LRP1: variants seen among roughly 807,000 people sequenced by gnomAD.
LRP1 encodes the protein LDL receptor related protein 1.
A neutral mutation model predicts 541.5 loss-of-function variants in LRP1; 51 were observed. The ratio of observed to expected loss-of-function variants is 0.09; its 90% CI spans 0.08 to 0.12. The LOEUF is 0.12. Ranked by LOEUF, LRP1 falls within the 10% of genes least tolerant of loss-of-function variation. LRP1 has a pLI of 1.00. For missense variants in LRP1, 3,878 were observed against 6,376.2 expected, an observed-to-expected ratio of 0.61 and a Z score of 13.34; for synonymous variants, 2,219 against 2,470.8, an observed-to-expected ratio of 0.90 and a Z score of 3.02.
rs373775042 is a variant in LRP1 at position 57,206,509 on chromosome 12, A to G, written c.11627A>G (p.Asn3876Ser). The G allele has an allele frequency of 6.2e-6, 10 of 1,614,110 alleles. No homozygotes were observed. The highest frequency in any genetic ancestry group is 8.5e-6 in the Non-Finnish European group (10 of 1,180,026). ...EYQVLYIADDNEIRSLFPGHP... is the reference protein window; with the variant it reads ...EYQVLYIADDSEIRSLFPGHP... The stretch of plus-strand genomic sequence containing the variant: ...CAGGTCCTGTACATCGCTGATGACA[A>G]TGAGATCCGCAGCCTGTTCCCCGGC... The change falls in exon 76 of 89, where the codon AAT becomes AGT. Residue 3876 changes from asparagine to serine, a missense_variant. By Grantham distance (46) the Asn-to-Ser change is conservative. Transcript: ENST00000243077. The surrounding 1 kb of genome is among the most constrained non-coding windows in gnomAD (Gnocchi z 4.7).
Position 57,183,381 on chromosome 12 carries a change from G to T in LRP1, c.5665G>T (p.Val1889Leu), listed in dbSNP as rs760016903. ...LRSGQQACEG[V>L]GSFLLYSVHE... The stretch of plus-strand genomic sequence containing the variant: ...CCTTAAGTTTCCTTGTCTTTCAGGC[G>T]TAGGTTCCTTTCTCCTGTACTCTGT... Residue 1889 changes from valine (V) to leucine (L), a missense_variant and splice_region_variant, in exon 35 of 89, where the codon GTA becomes TTA. Val to Leu is a conservative substitution (Grantham distance 32). This residue lies in a region of LRP1 where 394 missense variants were observed against 635.9 expected (regional missense o/e 0.62). Transcript: ENST00000243077. The surrounding 1 kb of genome is among the most constrained non-coding windows in gnomAD (Gnocchi z 6.1). 6.2e-7 allele frequency: 1 copy of T among 1,602,190 alleles called. No homozygotes were observed. The highest frequency in any genetic ancestry group is 2.2e-5 in the East Asian group (1 of 44,594).
chr12:57,192,851 T>A lies in LRP1; in HGVS notation c.7436T>A (p.Leu2479His), dbSNP rs2036443606. 1 of 1,613,992 alleles carries A rather than the reference T, an allele frequency of 6.2e-7. No homozygotes were observed. The highest frequency in any genetic ancestry group is 1.3e-5 in the African/African-American group (1 of 75,002). ...CCACCCTGTCCCTGCTCAGGTGAACTCTCTCCATGCCGAATCAACAACGGT... is the reference window on the plus strand; with the variant it reads ...CCACCCTGTCCCTGCTCAGGTGAACACTCTCCATGCCGAATCAACAACGGT... ...AVANDTNSCE[L>H]SPCRINNGGC... Residue 2479 changes from leucine to histidine, a missense_variant, in exon 45 of 89, where the codon CTC becomes CAC. Around this residue, in one of 13 missense-constraint regions of LRP1, gnomAD observed 1,100 missense variants for 1,827.4 expected, o/e 0.60. Transcript: ENST00000243077.
At chr12:57,175,167 A>C (rs1213113310) in intron 22 of LRP1, among the ~76,000 whole-genome samples, 1 of 152,014 alleles carries the variant, frequency 6.6e-6, no homozygotes, top group African/African-American at 2.4e-5. Flanking sequence ...GGGCCCAAGA[A>C]GGCAGGAACA....
intron 33 of LRP1, 71 bp downstream of exon 33, chr12:57,180,878 A>G: frequency 6.3e-7 from 1 of 1,590,032 alleles, no homozygotes; most frequent in Admixed American, 1.7e-5. Context: ...TGCAGGCTGC[A>G]GGGCCATGGG....
At position 57,162,123 on chromosome 12, in the gene LRP1, C is replaced by T. The variant is rs896386647; in HGVS notation, c.2203-194C>T. Among the ~76,000 whole-genome samples, 1 of 152,086 alleles carries T rather than the reference C, an allele frequency of 6.6e-6. No homozygotes were observed. Reference sequence around the variant, plus strand: ...CCATCAGCATCCTTGCTGGATCACTCGATCACCCGCTGGCTTCAGGATCTA... The same window carrying T: ...CCATCAGCATCCTTGCTGGATCACTTGATCACCCGCTGGCTTCAGGATCTA... On this transcript the variant is annotated intron_variant, in intron 13 of 88. Transcript: ENST00000243077. This position sits in a 1 kb window ranked among gnomAD's most constrained non-coding sequence, Gnocchi z 5.2.
Position 57,142,537 on chromosome 12 carries a change from C to T in LRP1, c.328+1026C>T, listed in dbSNP as rs187190823. On this transcript the variant is annotated intron_variant, in intron 3 of 88. Coordinates refer to ENST00000243077, the MANE Select transcript of LRP1 (RefSeq NM_002332.3). Reference sequence around the variant, plus strand: ...CTGGGACGGGATGCAGAATGCGGGCCTGGGGGCTGACTTAAATGACCACGC... The same window carrying T: ...CTGGGACGGGATGCAGAATGCGGGCTTGGGGGCTGACTTAAATGACCACGC... 5.3e-5 allele frequency among the ~76,000 whole-genome samples: 8 copies of T among 152,206 alleles called. No homozygotes were observed. The East Asian group carries it at 1.5e-3, about 29-fold the overall frequency.
At chr12:57,164,708 T>C (rs1224360630) in intron 15 of LRP1, 1 of 152,242 alleles carries the variant, frequency 6.6e-6, no homozygotes, top group Non-Finnish European at 1.5e-5. Flanking sequence ...TTTGTAATCA[T>C]GCCTCTGCTA....
chr12:57,208,621 C>T (rs2036839444), intron 77 of LRP1, 90 bp from the exon 78 acceptor site: 2 of 766,166 alleles, frequency 2.6e-6, no homozygotes, highest in Non-Finnish European at 4.4e-6. Context: ...CCAGCAGTCC[C>T]TGTCCCCAGA....
At chr12:57,131,412 G>A (rs2035037206) in intron 1 of LRP1, among the ~76,000 whole-genome samples, 1 of 152,134 alleles carries the variant, frequency 6.6e-6, no homozygotes, top group Non-Finnish European at 1.5e-5. Context: ...TTTCTAGTGG[G>A]GAGGGCACCC....
At chr12:57,194,775 C>A (rs1051827938) in intron 50 of LRP1, 76 bp downstream of exon 50, 6 of 1,500,092 alleles carry the variant, frequency 4.0e-6, no homozygotes, top group Non-Finnish European at 5.3e-6. Context: ...CAGCAAATGC[C>A]CCCTTGGAAA....
Position 57,177,565 on chromosome 12 carries a change from G to C in LRP1, c.4335G>C (p.Glu1445Asp). 1 of 1,613,926 alleles carries C rather than the reference G, an allele frequency of 6.2e-7. No homozygotes were observed. The change falls in exon 26 of 89, where the codon GAG (glutamate) becomes GAC (aspartate). Residue 1445 changes from glutamate to aspartate, a missense_variant. Physicochemically the swap from Glu to Asp is conservative, Grantham distance 45. Transcript: ENST00000243077. This position sits in a 1 kb window ranked among gnomAD's most constrained non-coding sequence, Gnocchi z 6.8. ...ACGGGCTCACCGTGGACTACCTGGA[G>C]AAGCGCATCCTTTGGATTGACGCCA... ...WPNGLTVDYL[E>D]KRILWIDARS...
chr12:57,168,869 T>C (rs2035889689), intron 19 of LRP1, among the ~76,000 whole-genome samples: 1 of 151,960 alleles, frequency 6.6e-6, no homozygotes, highest in African/African-American at 2.4e-5. Context: ...AAAGGGGAAA[T>C]GAAATGTTTA....
In LRP1 at chr12:57,183,545, G is replaced by A; in HGVS notation, c.5794+35G>A. 6.2e-7 allele frequency: 1 copy of A among 1,601,262 alleles called. No homozygotes were observed. The highest frequency in any genetic ancestry group is 8.5e-7 in the Non-Finnish European group (1 of 1,172,362). On this transcript the variant is annotated intron_variant, in intron 35 of 88. Transcript: ENST00000243077. The surrounding 1 kb of genome is among the most constrained non-coding windows in gnomAD (Gnocchi z 6.1). The stretch of plus-strand genomic sequence containing the variant: ...TTGGTGGCAGAGGGAGTTGGGCGTG[G>A]CGTAGGAGCTTTAGGGGTGGTGTGG...
intron 20 of LRP1, among the ~76,000 whole-genome samples, chr12:57,171,579 T>C (rs965663496): frequency 2.0e-5 from 3 of 152,044 alleles, no homozygotes; most frequent in Non-Finnish European, 4.4e-5. Flanking sequence ...CTGGGAACCT[T>C]TGAAGGATTT....
chr12:57,160,040 G>C, intron 12 of LRP1, 35 bp downstream of exon 12: 1 of 1,598,150 alleles, frequency 6.3e-7, no homozygotes, highest in Non-Finnish European at 8.6e-7. Flanking sequence ...GGGAGGAGCT[G>C]GGAGTGTGTG....
At chr12:57,135,867 A>AGGG in intron 1 of LRP1, among the ~76,000 whole-genome samples, 1 of 149,418 alleles carries the variant, frequency 6.7e-6, no homozygotes, top group Non-Finnish European at 1.5e-5. Flanking sequence ...GGGCTAAAGG[A>AGGG]GGGGGCACCA....
rs1027649398 is a variant in LRP1 at position 57,138,312 on chromosome 12, G to T, written c.68-147G>T. ...TAGGAACTACCCAAAGCCACCCCCT[G>T]ACACCCCCAGGCACATAGACCATGG... On this transcript the variant is annotated intron_variant, in intron 1 of 88. Coordinates refer to ENST00000243077, the MANE Select transcript of LRP1 (RefSeq NM_002332.3). The T allele has an allele frequency of 2.9e-5, 27 of 945,970 alleles. 1 individual carries two copies. In the African/African-American group the frequency reaches 4.0e-4, roughly 14 times the overall value. 58.6% of individuals were successfully genotyped at this position (945,970 alleles called of 1,614,324 possible).
rs750499142 is a variant in LRP1, at chr12:57,156,196, C to T, written c.1330C>T (p.Arg444Cys). Residue 444 changes from arginine to cysteine, a missense_variant, in exon 9 of 89, where the codon CGC (arginine) becomes TGC (cysteine). By Grantham distance (180) the Arg-to-Cys change is radical (BLOSUM62 -3). Transcript: ENST00000243077. The surrounding 1 kb of genome is among the most constrained non-coding windows in gnomAD (Gnocchi z 5.2). ...GAAGACGAGTGTGATCCGTGTGAAC[C>T]GCTTTAACAGCACCGAGTACCAGGT... ...QQKTSVIRVN[R>C]FNSTEYQVVT... The T allele has an allele frequency of 2.5e-6, 4 of 1,614,012 alleles. No homozygotes were observed. The highest frequency in any genetic ancestry group is 2.2e-5 in the East Asian group (1 of 44,864).
Position 57,136,398 on chromosome 12 carries a change from C to CA in LRP1, c.68-2061_68-2060insA, listed in dbSNP as rs1369519740. Reference sequence around the variant, plus strand: ...TCAGACTCCCTCCCTCCTAAGAGCCCCCCCCCCCCGCCATTTTCCTTATAC... The same window carrying CA: ...TCAGACTCCCTCCCTCCTAAGAGCCCACCCCCCCCCGCCATTTTCCTTATAC... On this transcript the variant is annotated intron_variant, in intron 1 of 88. Transcript: ENST00000243077. 5.7e-5 allele frequency among the ~76,000 whole-genome samples: 8 copies of CA among 139,462 alleles called. No individual in the cohort carries two copies. The East Asian group carries it at 1.0e-3, about 18-fold the overall frequency. The allele number at this position is 139,462 out of a possible 152,430, so 91.5% of individuals were successfully genotyped here. A position where few individuals can be genotyped will look rare whatever the true frequency, so the allele number is the denominator to read the frequency against.
Sources: gnomAD v4.1 joint callset for allele counts (sites outside exome capture counted in the v4.1 genomes callset) on GRCh38, gnomAD v4.1.1 for gene constraint, gnomAD v4.1.1 regional missense constraint, Gnocchi (gnomAD v3.1) non-coding constraint, MANE v1.5 for transcripts, NCBI Gene and HGNC (gene_info 2026-07-23, HGNC 2026-07-21) for gene names.